The following ESRRG variants were observed in gnomAD, a reference collection of about 807,000 sequenced individuals.
ESRRG encodes the protein estrogen related receptor gamma.
In ESRRG, 13 loss-of-function variants were observed where a neutral mutation model predicts 44.0. That is an observed-to-expected ratio of 0.30 (90% CI 0.19 to 0.47). The LOEUF (loss-of-function observed/expected upper bound fraction) is 0.47. Among genes scored for constraint, ESRRG ranks in the 20% least tolerant of loss-of-function variants. The pLI is 1.00. For synonymous variants in ESRRG, 215 were observed against 214.6 expected, an observed-to-expected ratio of 1.00 and a Z score of -0.02; for missense variants, 395 against 580.6, an observed-to-expected ratio of 0.68 and a Z score of 3.29.
intron 1 of ESRRG, among the ~76,000 whole-genome samples, chr1:217,099,202 G>A (rs551772286): frequency 6.6e-6 from 1 of 152,136 alleles, no homozygotes; most frequent in Non-Finnish European, 1.5e-5. Context: ...TGGATAACAA[G>A]AAATGTGCCA....
At chr1:216,692,385 A>T (rs1184208985) in intron 1 of ESRRG, among the ~76,000 whole-genome samples, 2 of 151,920 alleles carry the variant, frequency 1.3e-5, no homozygotes, top group African/African-American at 2.4e-5. Context: ...GTAAAAAAAA[A>T]ATCTGAAAAA....
intron 2 of ESRRG, among the ~76,000 whole-genome samples, chr1:216,771,206 A>G (rs2093364902): frequency 6.6e-6 from 1 of 152,154 alleles, no homozygotes; most frequent in African/African-American, 2.4e-5. Context: ...CAATTAGTGG[A>G]AATTTTTAAA....
intron 1 of ESRRG, among the ~76,000 whole-genome samples, chr1:217,026,650 T>C (rs988478935): frequency 3.3e-5 from 5 of 152,294 alleles, no homozygotes; most frequent in Non-Finnish European, 4.4e-5. Context: ...CTGGCAAATC[T>C]GCCTAAGGGA....
intron 3 of ESRRG, among the ~76,000 whole-genome samples, chr1:216,599,384 A>C (rs1269206625): frequency 1.3e-5 from 2 of 152,192 alleles, no homozygotes; most frequent in East Asian, 3.8e-4. Context: ...TACAATTTCT[A>C]ATATAATTAA....
At chr1:216,610,817 A>G (rs77723734) in intron 3 of ESRRG, among the ~76,000 whole-genome samples, 199 of 152,280 alleles carry the variant, frequency 1.3e-3, no homozygotes, top group African/African-American at 4.4e-3. Flanking sequence ...TCCTTAGAAC[A>G]AACCTGTGAG....
At chr1:216,521,194 A>C (rs2045978541) in intron 5 of ESRRG, among the ~76,000 whole-genome samples, 1 of 152,162 alleles carries the variant, frequency 6.6e-6, no homozygotes. Context: ...GGGTTAAATT[A>C]ATAAATATCC....
chr1:216,820,724 T>A (rs989271337), intron 2 of ESRRG, among the ~76,000 whole-genome samples: 9 of 152,222 alleles, frequency 5.9e-5, no homozygotes, highest in African/African-American at 2.2e-4. Flanking sequence ...AGCCACCCGT[T>A]CTTATTAGGG....
intron 2 of ESRRG, among the ~76,000 whole-genome samples, chr1:216,771,267 C>G (rs923647971): frequency 1.3e-5 from 2 of 152,100 alleles, no homozygotes; most frequent in African/African-American, 4.8e-5. Flanking sequence ...TTTTATTCAT[C>G]TGCTAAAGAT....
chr1:216,511,969 A>G (rs1270183077), intron 6 of ESRRG, among the ~76,000 whole-genome samples: 1 of 152,228 alleles, frequency 6.6e-6, no homozygotes, highest in Non-Finnish European at 1.5e-5. Flanking sequence ...AAAGAGAAAT[A>G]ATCAAGCATT....
rs552401506 is a variant in ESRRG at position 216,555,546 on chromosome 1, A to C, written c.862+8673T>G. Among the ~76,000 whole-genome samples, 4 of 152,174 alleles carry C rather than the reference A, an allele frequency of 2.6e-5. No individual in the cohort carries two copies. In the South Asian group the frequency reaches 8.3e-4, roughly 32 times the overall value. ...ACAGGTGCCCTCTTTAAAAAAAAAA[A>C]AAAACCTGAATAGTTAAAACAATTT... On this transcript the variant is annotated intron_variant, in intron 5 of 6. Transcript: ENST00000408911.
intron 2 of ESRRG, among the ~76,000 whole-genome samples, chr1:216,655,949 A>G (rs1172985955): frequency 6.6e-5 from 10 of 152,166 alleles, no homozygotes; most frequent in Admixed American, 6.6e-4. Flanking sequence ...TTATCCTAAA[A>G]ATGTGCTGCC....
At chr1:216,958,725 C>A (rs2150149845) in intron 1 of ESRRG, among the ~76,000 whole-genome samples, 1 of 152,268 alleles carries the variant, frequency 6.6e-6, no homozygotes, top group Non-Finnish European at 1.5e-5. Context: ...TAAAGCACAA[C>A]ACGATCTGCC....
In ESRRG at chr1:216,519,240, A is replaced by G. The variant is rs2045321525; in HGVS notation, c.1044T>C (p.Ala348=). Residue 348 remains alanine, a synonymous_variant, in exon 6 of 7, where the codon GCT becomes GCC. Transcript: ENST00000408911. ...KLAGLLDLNN[A]ILQLVKKYKS... is the part of the protein sequence containing the mutation. ...TGTATTTCTTTACCAGCTGCAGGATAGCATTATTTAGATCAAGAAGGCCTG... is the reference window on the plus strand; with the variant it reads ...TGTATTTCTTTACCAGCTGCAGGATGGCATTATTTAGATCAAGAAGGCCTG... 6.2e-7 allele frequency: 1 copy of G among 1,613,526 alleles called. No individual in the cohort carries two copies. Among genetic ancestry groups the G allele is most frequent in the Non-Finnish European group, 8.5e-7 (1 of 1,179,650 alleles).
At chr1:216,869,171 C>A (rs920815820) in intron 2 of ESRRG, among the ~76,000 whole-genome samples, 10 of 152,008 alleles carry the variant, frequency 6.6e-5, no homozygotes, top group African/African-American at 2.4e-4. Flanking sequence ...CTTATGTTGT[C>A]TTCTAAACGT....
chr1:216,628,019 T>C (rs926702784), intron 3 of ESRRG, among the ~76,000 whole-genome samples: 3 of 152,220 alleles, frequency 2.0e-5, no homozygotes, highest in African/African-American at 7.2e-5. Flanking sequence ...TTCATGCGTA[T>C]GAACTACACA....
At chr1:216,750,843 T>C (rs184883161) in intron 2 of ESRRG, among the ~76,000 whole-genome samples, 1 of 152,170 alleles carries the variant, frequency 6.6e-6, no homozygotes, top group East Asian at 1.9e-4. Flanking sequence ...ATTTCCCTGA[T>C]GTGCTTTCAG....
intron 3 of ESRRG, among the ~76,000 whole-genome samples, chr1:216,621,834 C>A: frequency 6.6e-6 from 1 of 152,140 alleles, no homozygotes. Context: ...TTAATTCTGC[C>A]TTAGGAATGT....
At chr1:216,763,199 A>G (rs2092891838) in intron 2 of ESRRG, among the ~76,000 whole-genome samples, 1 of 152,144 alleles carries the variant, frequency 6.6e-6, no homozygotes, top group South Asian at 2.1e-4. Flanking sequence ...TCTTAAATGT[A>G]TTAGATATAT....
rs368470317 is a variant in ESRRG at position 216,855,490 on chromosome 1, A to C, written c.-14+84092T>G. On this transcript the variant is annotated intron_variant, in intron 2 of 7. Coordinates refer to the ESRRG transcript ENST00000359162. ...AAGTTCAACTCTGACAGATTAAAAA[A>C]CCTGTACAAATTCAAAAGGTAACGT... Among the ~76,000 whole-genome samples, 254 of 152,294 alleles carry C rather than the reference A, an allele frequency of 1.7e-3. 2 individuals carry two copies. Among genetic ancestry groups the C allele is most frequent in the African/African-American group, 6.0e-3 (248 of 41,548 alleles).
Sources: gnomAD v4.1 joint callset for allele counts (sites outside exome capture counted in the v4.1 genomes callset) on GRCh38, gnomAD v4.1.1 for gene constraint, MANE v1.5 for transcripts, NCBI Gene and HGNC (gene_info 2026-07-23, HGNC 2026-07-21) for gene names.